The following FRMD6 variants were observed in gnomAD, a reference collection of about 807,000 sequenced individuals.
FRMD6 encodes FERM domain containing 6.
Under a neutral mutation model 73.2 loss-of-function variants are expected in FRMD6, and 37 were observed. The observed-to-expected ratio is 0.51, with a 90% confidence interval of 0.39 to 0.66. The LOEUF is 0.66. Ranked by LOEUF, FRMD6 falls within the 30% of genes least tolerant of loss-of-function variation. FRMD6 has a pLI of 0.00. For missense variants in FRMD6, 714 were observed against 780.5 expected (o/e 0.91, Z 1.02); for synonymous variants, 273 against 282.2 (o/e 0.97, Z 0.33).
At chr14:51,497,113 C>T (rs1339951091) in intron 1 of FRMD6, among the ~76,000 whole-genome samples, 1 of 152,088 alleles carries the variant, frequency 6.6e-6, no homozygotes, top group African/African-American at 2.4e-5. Flanking sequence ...GTAATTCTGA[C>T]ATATGTATCT....
rs78904562 is a variant in FRMD6 at position 51,494,218 on chromosome 14, G to C, written c.-210+4798G>C. The stretch of plus-strand genomic sequence containing the variant: ...AACTTATTTCAGCATCAACTCAAAA[G>C]TCTAGAGTCCAAGGTCTCATCTAAA... On this transcript the variant is annotated intron_variant, in intron 1 of 14. Transcript: ENST00000356218. 8.3e-3 allele frequency among the ~76,000 whole-genome samples: 1,257 copies of C among 152,254 alleles called. 11 individuals are homozygous for C. Among genetic ancestry groups the C allele is most frequent in the Non-Finnish European group, 0.01 (691 of 68,020 alleles).
chr14:51,628,610 C>T (rs549586259), intron 2 of FRMD6, among the ~76,000 whole-genome samples: 1 of 151,894 alleles, frequency 6.6e-6, no homozygotes, highest in Admixed American at 6.6e-5. Context: ...GCCAGGAGTT[C>T]AAGACCAGCC....
At chr14:51,510,077 G>C (rs1884210185) in intron 1 of FRMD6, among the ~76,000 whole-genome samples, 1 of 152,228 alleles carries the variant, frequency 6.6e-6, no homozygotes, top group African/African-American at 2.4e-5. Context: ...TCTAAATTCA[G>C]AAAAGTTGTA....
rs772191943 is a variant in FRMD6, at chr14:51,708,228, T to C, written c.709T>C (p.Tyr237His). ...CGTCGCTGTTCATTACTACAGATTG[T>C]ATAAGGTATGAAACGGCAACTAAGT... ...DDVAVHYYRL[Y>H]KDKREIEASL... The change falls in exon 7 of 14, where the codon TAT becomes CAT. Residue 237 changes from tyrosine to histidine, a missense_variant. Physicochemically the swap from Tyr to His is moderately conservative, Grantham distance 83 (BLOSUM62 2). Coordinates refer to ENST00000344768, the MANE Select transcript of FRMD6 (RefSeq NM_001267046.2). The C allele has an allele frequency of 8.7e-6, 14 of 1,612,558 alleles. No homozygotes were observed. The East Asian group carries it at 2.7e-4, about 31-fold the overall frequency.
At chr14:51,724,602 T>C (rs1186092054) in intron 12 of FRMD6, among the ~76,000 whole-genome samples, 3 of 152,222 alleles carry the variant, frequency 2.0e-5, no homozygotes, top group Non-Finnish European at 4.4e-5. Context: ...ATACTTAATA[T>C]GTTTATGGCA....
chr14:51,649,336 A>G (rs1020823346), upstream of FRMD6, among the ~76,000 whole-genome samples: 2 of 152,172 alleles, frequency 1.3e-5, no homozygotes, highest in African/African-American at 4.8e-5. Context: ...TTCCTACAAT[A>G]TAATTCTGGA....
chr14:51,614,468 A>G (rs894577894), intron 2 of FRMD6, among the ~76,000 whole-genome samples: 1 of 152,150 alleles, frequency 6.6e-6, no homozygotes, highest in Admixed American at 6.5e-5. Flanking sequence ...CTCTGTAATT[A>G]TTGTTTCTAG....
Position 51,702,496 on chromosome 14 carries a change from G to A in FRMD6, c.295-16G>A. On this transcript the variant is annotated splice_polypyrimidine_tract_variant and intron_variant, in intron 4 of 13. Coordinates refer to ENST00000344768, the MANE Select transcript of FRMD6 (RefSeq NM_001267046.2). ...ACTAGAAATAGCTTGATTTTTGTGT[G>A]TGCTTTTGTTTCTAGGGTATCGACC... The A allele has an allele frequency of 6.2e-7, 1 of 1,606,522 alleles. No individual in the cohort carries two copies. Among genetic ancestry groups the A allele is most frequent in the Non-Finnish European group, 8.5e-7 (1 of 1,174,746 alleles).
chr14:51,712,883 T>A (rs546322492), intron 9 of FRMD6, among the ~76,000 whole-genome samples: 5 of 152,310 alleles, frequency 3.3e-5, no homozygotes, highest in Admixed American at 2.6e-4. Context: ...CGCGTAGAGG[T>A]TAGCCAGTTC....
At chr14:51,711,699 G>A in intron 8 of FRMD6, 103 bp downstream of exon 8, 1 of 775,282 alleles carries the variant, frequency 1.3e-6, no homozygotes, top group East Asian at 2.5e-5. Context: ...TTTGGCCACT[G>A]GCTGGTCATC....
intron 2 of FRMD6, among the ~76,000 whole-genome samples, chr14:51,608,521 C>T (rs1021596233): frequency 6.6e-6 from 1 of 152,072 alleles, no homozygotes; most frequent in African/African-American, 2.4e-5. Context: ...GACCTTCCAC[C>T]TCCCCTTCCT....
At chr14:51,568,591 G>A (rs531835171) in intron 1 of FRMD6, among the ~76,000 whole-genome samples, 2 of 152,266 alleles carry the variant, frequency 1.3e-5, no homozygotes, top group South Asian at 4.1e-4. Context: ...AGAACAGCTG[G>A]GCATGTGTGC....
At chr14:51,552,659 A>C (rs1399420925) in intron 1 of FRMD6, among the ~76,000 whole-genome samples, 1 of 152,222 alleles carries the variant, frequency 6.6e-6, no homozygotes, top group Non-Finnish European at 1.5e-5. Context: ...AGGAGAAGTA[A>C]AAAACTTGAA....
At chr14:51,606,525 A>C (rs539133167) in intron 2 of FRMD6, among the ~76,000 whole-genome samples, 37 of 152,152 alleles carry the variant, frequency 2.4e-4, no homozygotes, top group Admixed American at 7.8e-4. Flanking sequence ...CTGGGATAAT[A>C]CTTAGGTGAC....
At chr14:51,721,761 G>GGGAAGGGGGGAAGGAGGGAAGGAA (rs1897624704) in intron 11 of FRMD6, among the ~76,000 whole-genome samples, 188 bp from the exon 12 acceptor site, 1 of 137,236 alleles carries the variant, frequency 7.3e-6, no homozygotes, top group African/African-American at 2.9e-5. Context: ...GAAGGAAGGA[G>GGGAAGGGGGGAAGGAGGGAAGGAA]GGAAGGAGGG....
At chr14:51,527,741 C>A (rs528089988) in intron 1 of FRMD6, among the ~76,000 whole-genome samples, 271 of 152,326 alleles carry the variant, frequency 1.8e-3, no homozygotes, top group Non-Finnish European at 3.0e-3. Flanking sequence ...ACTAACTGTA[C>A]CTTTCAGCCA....
At chr14:51,418,256 C>G in the FRMD6 span, among the ~76,000 whole-genome samples, 1 of 152,182 alleles carries the variant, frequency 6.6e-6, no homozygotes, top group Non-Finnish European at 1.5e-5. Context: ...GAATTTTCAG[C>G]TTTTCTGCTC....
intron 2 of FRMD6, among the ~76,000 whole-genome samples, chr14:51,642,915 A>C (rs1891875817): frequency 6.6e-6 from 1 of 152,304 alleles, no homozygotes; most frequent in South Asian, 2.1e-4. Flanking sequence ...GGGGATACAG[A>C]GCTTTGGTAG....
At chr14:51,636,175 C>T (rs1891551989) in intron 2 of FRMD6, among the ~76,000 whole-genome samples, 1 of 152,116 alleles carries the variant, frequency 6.6e-6, no homozygotes, top group African/African-American at 2.4e-5. Context: ...CTCCCCGGAG[C>T]CAGGGTTTAT....
Sources: gnomAD v4.1 joint callset for allele counts (sites outside exome capture counted in the v4.1 genomes callset) on GRCh38, gnomAD v4.1.1 for gene constraint, MANE v1.5 for transcripts, NCBI Gene and HGNC (gene_info 2026-07-23, HGNC 2026-07-21) for gene names.